Variants in PPM1L observed in about 807,000 individuals in gnomAD.
The protein encoded by PPM1L is protein phosphatase 1L.
PPM1L carries 13 observed loss-of-function variants against 31.4 expected under a neutral mutation model. That is an observed-to-expected ratio of 0.41 (90% CI 0.27 to 0.66). The LOEUF is 0.66. Ranked by LOEUF, PPM1L falls within the 30% of genes least tolerant of loss-of-function variation. PPM1L has a pLI of 0.29. For missense variants in PPM1L, 326 were observed against 453.7 expected (o/e 0.72, Z 2.56); for synonymous variants, 184 against 175.4 (o/e 1.05, Z -0.39).
At chr3:160,905,894 A>G (rs1038700837) in intron 1 of PPM1L, among the ~76,000 whole-genome samples, 1 of 152,058 alleles carries the variant, frequency 6.6e-6, no homozygotes, top group African/African-American at 2.4e-5. Context: ...TTTTATTTGA[A>G]TGCTTTACAT....
chr3:161,014,034 T>C (rs1717988004), intron 2 of PPM1L, among the ~76,000 whole-genome samples: 1 of 152,214 alleles, frequency 6.6e-6, no homozygotes, highest in Non-Finnish European at 1.5e-5. Context: ...TTAAGGTTAA[T>C]ATTGTTATGC....
In PPM1L at chr3:160,766,744, G is replaced by GTTTTTTTTTTTTTT. The variant is rs200642876; in HGVS notation, c.399+10050_399+10051insTTTTTTTTTTTTTT. On this transcript the variant is annotated intron_variant, in intron 1 of 3. Coordinates refer to ENST00000498165, the MANE Select transcript of PPM1L (RefSeq NM_139245.4). ...TCTTGATCACTTGATCTCTCTGGAG[G>GTTTTTTTTTTTTTT]TTTTTTTTTTTTTCCCTTCTCTTTC... 3.9e-4 allele frequency among the ~76,000 whole-genome samples: 55 copies of GTTTTTTTTTTTTTT among 142,334 alleles called. 2 individuals carry two copies. Among genetic ancestry groups the GTTTTTTTTTTTTTT allele is most frequent in the African/African-American group, 1.3e-3 (50 of 38,162 alleles). 93.4% of individuals were successfully genotyped at this position (142,334 alleles called of 152,430 possible).
chr3:161,056,369 C>T (rs561672650), intron 2 of PPM1L, among the ~76,000 whole-genome samples: 1 of 152,290 alleles, frequency 6.6e-6, no homozygotes, highest in East Asian at 1.9e-4. Flanking sequence ...CCATCTTACT[C>T]TCTGTAACGG....
At chr3:160,943,315 G>A (rs1715220794) in intron 1 of PPM1L, among the ~76,000 whole-genome samples, 1 of 152,126 alleles carries the variant, frequency 6.6e-6, no homozygotes, top group Admixed American at 6.6e-5. Context: ...ACTTTGAGAA[G>A]TATGTTTTTT....
At chr3:160,794,050 G>C (rs1280512587) in intron 1 of PPM1L, among the ~76,000 whole-genome samples, 1 of 152,112 alleles carries the variant, frequency 6.6e-6, no homozygotes, top group Non-Finnish European at 1.5e-5. Flanking sequence ...TGAGAATAGA[G>C]TACATGACTG....
At chr3:160,870,712 A>G (rs1712273681) in intron 1 of PPM1L, 2 of 152,214 alleles carry the variant, frequency 1.3e-5, no homozygotes, top group Admixed American at 6.5e-5. Flanking sequence ...CCTGAAGCTG[A>G]TAATGAGACC....
chr3:160,795,022 T>C (rs1210373494), intron 1 of PPM1L, among the ~76,000 whole-genome samples: 1 of 152,094 alleles, frequency 6.6e-6, no homozygotes, highest in Non-Finnish European at 1.5e-5. Context: ...CTGAGGAAGA[T>C]AAAAGCTGCT....
At chr3:160,998,025 A>G (rs1470195309) in intron 2 of PPM1L, among the ~76,000 whole-genome samples, 4 of 152,180 alleles carry the variant, frequency 2.6e-5, no homozygotes, top group Non-Finnish European at 4.4e-5. Flanking sequence ...CACAGAACAT[A>G]TTTGGAAAAT....
At chr3:161,005,329 A>G (rs1559921139) in intron 2 of PPM1L, among the ~76,000 whole-genome samples, 1 of 152,192 alleles carries the variant, frequency 6.6e-6, no homozygotes. Context: ...ACTAGTTTCT[A>G]TGAAAAAACA....
intron 1 of PPM1L, among the ~76,000 whole-genome samples, chr3:160,892,886 T>C (rs1021898536): frequency 2.6e-5 from 4 of 152,182 alleles, no homozygotes; most frequent in Non-Finnish European, 4.4e-5. Context: ...AATTCATTGA[T>C]AATAAAAATT....
chr3:160,827,607 A>G (rs958425224), intron 1 of PPM1L, among the ~76,000 whole-genome samples: 14 of 152,100 alleles, frequency 9.2e-5, no homozygotes, highest in African/African-American at 3.1e-4. Flanking sequence ...TAAGATAGAA[A>G]GTATAAAAAC....
chr3:161,060,050 A>G (rs1381554832), intron 2 of PPM1L, among the ~76,000 whole-genome samples: 2 of 152,172 alleles, frequency 1.3e-5, no homozygotes, highest in South Asian at 2.1e-4. Flanking sequence ...GGACTAATAT[A>G]TCTTGTGAAG....
chr3:160,951,186 T>A (rs139658846), intron 1 of PPM1L, among the ~76,000 whole-genome samples: 116 of 152,304 alleles, frequency 7.6e-4, no homozygotes, highest in Non-Finnish European at 1.4e-3. Flanking sequence ...AAGTCCGACA[T>A]TAGGCTGTTT....
chr3:160,799,678 C>T (rs904944394), intron 1 of PPM1L, among the ~76,000 whole-genome samples: 2 of 152,186 alleles, frequency 1.3e-5, no homozygotes, highest in Non-Finnish European at 2.9e-5. Flanking sequence ...TACCTTTACA[C>T]TTGCTATTCA....
chr3:160,896,666 A>G (rs1352593575), intron 1 of PPM1L, among the ~76,000 whole-genome samples: 3 of 152,192 alleles, frequency 2.0e-5, no homozygotes, highest in Non-Finnish European at 4.4e-5. Flanking sequence ...GTGTTTTAAA[A>G]TGATAAGTGT....
chr3:160,964,053 A>G (rs1716056360), intron 2 of PPM1L, among the ~76,000 whole-genome samples: 3 of 152,022 alleles, frequency 2.0e-5, no homozygotes, highest in Admixed American at 1.3e-4. Context: ...AAATATTATC[A>G]TGTTTGGGGA....
intron 2 of PPM1L, among the ~76,000 whole-genome samples, chr3:160,973,769 T>TTTTTTTTG (rs1158393352): frequency 2.3e-5 from 1 of 43,946 alleles, no homozygotes; most frequent in African/African-American, 1.4e-4. Flanking sequence ...GCCCTGTTTT[T>TTTTTTTTG]TTTTTTTTTT....
intron 1 of PPM1L, among the ~76,000 whole-genome samples, chr3:160,872,352 T>TC (rs1249361097): frequency 3.3e-5 from 5 of 152,214 alleles, no homozygotes; most frequent in Non-Finnish European, 5.9e-5. Flanking sequence ...GCTACTTTTT[T>TC]CTCCCTCTTT....
intron 1 of PPM1L, among the ~76,000 whole-genome samples, chr3:160,843,424 TTTTATATATATATATATA>T (rs1384699406): frequency 4.4e-4 from 22 of 50,092 alleles, no homozygotes; most frequent in African/African-American, 1.3e-3. Flanking sequence ...ATGGCAATTC[TTTTATATATATATATATA>T]TATATATATA....
Sources: allele counts gnomAD v4.1 joint callset (sites outside exome capture counted in the v4.1 genomes callset), GRCh38; gene constraint gnomAD v4.1.1; transcripts MANE v1.5; gene names NCBI Gene and HGNC (gene_info 2026-07-23, HGNC 2026-07-21).